SUN1: variants seen among roughly 807,000 people sequenced by gnomAD.
SUN1 encodes SUN domain-containing protein 1.
Under a neutral mutation model 103.2 loss-of-function variants are expected in SUN1, and 61 were observed. That is an observed-to-expected ratio of 0.59 (90% CI 0.48 to 0.73). The LOEUF (loss-of-function observed/expected upper bound fraction) is 0.73, where lower values mean the gene tolerates loss of function less well. SUN1 is among the 30% of genes least tolerant of loss of function. The pLI is 0.00. For missense variants in SUN1, 1,052 were observed against 1,034.6 expected, an observed-to-expected ratio of 1.02 and a Z score of -0.23; for synonymous variants, 490 against 425.7, an observed-to-expected ratio of 1.15 and a Z score of -1.86.
intron 14 of SUN1, 84 bp from the exon 15 acceptor site, chr7:861,296 T>A: frequency 7.4e-7 from 1 of 1,343,708 alleles, no homozygotes; most frequent in East Asian, 2.3e-5. Context: ...AATGTAAGTG[T>A]CTGGTCCTCA....
chr7:824,873 T>C lies in SUN1; in HGVS notation c.-74+8200T>C, dbSNP rs553421227. Among the ~76,000 whole-genome samples, 9 of 152,030 alleles carry C rather than the reference T, an allele frequency of 5.9e-5. No homozygotes were observed. The East Asian group carries it at 1.2e-3, about 20-fold the overall frequency. On this transcript the variant is annotated intron_variant, in intron 1 of 17. Coordinates refer to the SUN1 transcript ENST00000389574. ...GCAGGGCGGGTGCGGGGTGGGGGCG[T>C]CCGCTGGCTGGGTGCTCCAGGGGTG... is the stretch of plus-strand genomic sequence containing the variant.
rs1421142069 is a variant in SUN1, at chr7:860,296, C to A, written c.1693C>A (p.His565Asn). Residue 565 changes from histidine to asparagine, a missense_variant, in exon 14 of 19, where the codon CAC becomes AAC. By Grantham distance (68) the His-to-Asn change is moderately conservative (BLOSUM62 1). Transcript: ENST00000401592. Reference sequence around the variant, plus strand: ...GCAGATCCTGCGGAACGTCACCCACCACGTTTCCGTGACCAAGCAGCTCCC... The same window carrying A: ...GCAGATCCTGCGGAACGTCACCCACAACGTTTCCGTGACCAAGCAGCTCCC... ...QLQILRNVTH[H>N]VSVTKQLPTS... is the part of the protein sequence containing the mutation. 6.2e-7 allele frequency: 1 copy of A among 1,614,242 alleles called. No homozygotes were observed. The highest frequency in any genetic ancestry group is 2.2e-5 in the East Asian group (1 of 44,888).
chr7:872,601 CCCA>C, intron 18 of SUN1, 39 bp downstream of exon 18: 2 of 1,505,582 alleles, frequency 1.3e-6, no homozygotes, highest in Non-Finnish European at 1.8e-6. Context: ...GTCTCTGAGT[CCCA>C]CAACTTCTCG....
Position 843,372 on chromosome 7 carries a change from G to T in SUN1, c.510G>T (p.Gly170=), listed in dbSNP as rs771738533. Residue 170 remains glycine (G), a synonymous_variant, in exon 5 of 19, where the codon GGG becomes GGT. Transcript: ENST00000401592. Reference sequence around the variant, plus strand: ...ATAAAGCTGCCATTCAGGGAAACGGGGATGTGGGAGCCGCCGCCGCCACCG... The same window carrying T: ...ATAAAGCTGCCATTCAGGGAAACGGTGATGTGGGAGCCGCCGCCGCCACCG... ...GGNKAAIQGN[G]DVGAAAATAH... is the part of the protein sequence containing the mutation. The T allele has an allele frequency of 6.2e-7, 1 of 1,609,444 alleles. No individual in the cohort carries two copies. The highest frequency in any genetic ancestry group is 8.5e-7 in the Non-Finnish European group (1 of 1,177,378).
At chr7:829,806 G>A (rs1054219719), upstream of SUN1, among the ~76,000 whole-genome samples, 13 of 152,014 alleles carry the variant, frequency 8.6e-5, no homozygotes, top group African/African-American at 2.9e-4. Flanking sequence ...TGCCCTCCTC[G>A]GCCTCCCAAA....
At chr7:871,128 C>T (rs1056262540) in intron 17 of SUN1, among the ~76,000 whole-genome samples, 7 of 151,800 alleles carry the variant, frequency 4.6e-5, no homozygotes, top group African/African-American at 1.7e-4. Context: ...CGACCTCAGC[C>T]CTCTTTTTAA....
intron 17 of SUN1, among the ~76,000 whole-genome samples, chr7:872,268 C>T (rs765424294): frequency 1.3e-5 from 2 of 152,122 alleles, no homozygotes; most frequent in Non-Finnish European, 2.9e-5. Context: ...CAGGACATGT[C>T]GTGGGTTACA....
At chr7:823,530 A>T (rs1788414558) in intron 1 of SUN1, among the ~76,000 whole-genome samples, 1 of 151,858 alleles carries the variant, frequency 6.6e-6, no homozygotes, top group Non-Finnish European at 1.5e-5. Flanking sequence ...ATGGGTGGGG[A>T]GGAGAGGGTT....
At chr7:833,420 T>C (rs553354520) in intron 1 of SUN1, among the ~76,000 whole-genome samples, 2 of 152,136 alleles carry the variant, frequency 1.3e-5, no homozygotes, top group South Asian at 4.2e-4. Context: ...AAGCAGTTCT[T>C]CTGCCTCAGC....
At chr7:825,880 G>GTTAACAT (rs1313628548) in intron 1 of SUN1, among the ~76,000 whole-genome samples, 2 of 147,572 alleles carry the variant, frequency 1.4e-5, no homozygotes, top group African/African-American at 4.9e-5. Flanking sequence ...CGATAATTAT[G>GTTAACAT]TTAACATTTA....
At chr7:850,494 T>C (rs900548920) in intron 5 of SUN1, 1 of 157,640 alleles carries the variant, frequency 6.3e-6, no homozygotes, top group African/African-American at 2.4e-5. Context: ...AAAGTTAGTT[T>C]CAAAAATAAT....
At chr7:870,682 C>T (rs1245364636) in intron 17 of SUN1, among the ~76,000 whole-genome samples, 1 of 146,980 alleles carries the variant, frequency 6.8e-6, no homozygotes, top group African/African-American at 2.4e-5. Context: ...ATCAATCCCC[C>T]GTGTTTATCT....
chr7:850,636 CTG>C (rs1584825164), intron 5 of SUN1: 1 of 152,810 alleles, frequency 6.5e-6, no homozygotes, highest in Non-Finnish European at 1.5e-5. Flanking sequence ...TGTTAAGTCA[CTG>C]TGAGGAGATA....
At chr7:854,170 G>A (rs919340816) in intron 10 of SUN1, among the ~76,000 whole-genome samples, 1 of 152,236 alleles carries the variant, frequency 6.6e-6, no homozygotes, top group Admixed American at 6.5e-5. Context: ...TGTGTGAATT[G>A]AATTGTGTGT....
intron 11 of SUN1, among the ~76,000 whole-genome samples, chr7:855,271 C>T (rs1826057379): frequency 6.6e-6 from 1 of 152,238 alleles, no homozygotes; most frequent in Admixed American, 6.5e-5. Context: ...CTGCCGATTC[C>T]AGGCGGCCTC....
At chr7:823,176 C>G (rs1788039448) in intron 1 of SUN1, among the ~76,000 whole-genome samples, 1 of 152,218 alleles carries the variant, frequency 6.6e-6, no homozygotes, top group African/African-American at 2.4e-5. Context: ...CACTTGTTCT[C>G]CAGGCAAGGA....
upstream of SUN1, among the ~76,000 whole-genome samples, chr7:827,562 C>T (rs1449065939): frequency 5.3e-5 from 8 of 151,690 alleles, no homozygotes; most frequent in African/African-American, 9.7e-5. Context: ...CTCCACCTCC[C>T]GGGTTCACGC....
intron 15 of SUN1, among the ~76,000 whole-genome samples, chr7:862,491 C>G (rs781514975): frequency 1.1e-4 from 17 of 152,230 alleles, no homozygotes; most frequent in Non-Finnish European, 2.2e-4. Context: ...CAGACATCAA[C>G]AAGGCTACTG....
intron 16 of SUN1, among the ~76,000 whole-genome samples, chr7:867,655 A>G (rs1838073280): frequency 6.6e-6 from 1 of 152,186 alleles, no homozygotes; most frequent in Admixed American, 6.5e-5. Flanking sequence ...ATAAATCACC[A>G]ATCACTGTGC....
Sources: allele counts gnomAD v4.1 joint callset (sites outside exome capture counted in the v4.1 genomes callset), GRCh38; gene constraint gnomAD v4.1.1; transcripts MANE v1.5; gene names NCBI Gene and HGNC (gene_info 2026-07-23, HGNC 2026-07-21).